Variants in ITPA observed in about 807,000 individuals in gnomAD.
ITPA encodes inosine triphosphate pyrophosphatase.
ITPA carries 29 observed loss-of-function variants against 29.6 expected under a neutral mutation model. The ratio of observed to expected loss-of-function variants is 0.98; its 90% CI spans 0.73 to 1.34. The LOEUF (loss-of-function observed/expected upper bound fraction) is 1.34, where lower values mean the gene tolerates loss of function less well. ITPA is among the 40% of genes most tolerant of loss of function. The probability of loss-of-function intolerance (pLI) is 0.00; values close to 1 mark genes in which losing one functional copy is unlikely to be tolerated. For missense variants in ITPA, 241 were observed against 251.5 expected (o/e 0.96, Z 0.28); for synonymous variants, 103 against 99.3 (o/e 1.04, Z -0.22).
chr20:3,204,645 A>T, upstream of ITPA: 1 of 1,566,878 alleles, frequency 6.4e-7, no homozygotes, highest in Non-Finnish European at 8.6e-7. Flanking sequence ...GCCTCAGTGC[A>T]GAACCACTGC....
At chr20:3,222,669 A>G (rs530611590) in intron 7 of ITPA, among the ~76,000 whole-genome samples, 2 of 152,288 alleles carry the variant, frequency 1.3e-5, no homozygotes, top group South Asian at 2.1e-4. Context: ...GGCACGGGCC[A>G]TTGTTGGAAT....
Position 3,209,860 on chromosome 20 carries a change from G to C in ITPA, c.66+243G>C, listed in dbSNP as rs1475048992. On this transcript the variant is annotated intron_variant, in intron 1 of 7. Coordinates refer to ENST00000380113, the MANE Select transcript of ITPA (RefSeq NM_033453.4). The surrounding 1 kb of genome is among the most constrained non-coding windows in gnomAD (Gnocchi z 4.6). Reference sequence around the variant, plus strand: ...CTCGACAGATCCCGACACAGGGCTTGTGTGGTCAGCGACTGCGGGACCCGG... The same window carrying C: ...CTCGACAGATCCCGACACAGGGCTTCTGTGGTCAGCGACTGCGGGACCCGG... Among the ~76,000 whole-genome samples, 1 of 152,200 alleles carries C rather than the reference G, an allele frequency of 6.6e-6. No homozygotes were observed. The highest frequency in any genetic ancestry group is 1.5e-5 in the Non-Finnish European group (1 of 68,034).
At chr20:3,219,525 AC>A (rs1224388742) in intron 6 of ITPA, among the ~76,000 whole-genome samples, 1 of 151,800 alleles carries the variant, frequency 6.6e-6, no homozygotes. Context: ...CGGGCGGATC[AC>A]CTGAGGTCAG....
upstream of ITPA, among the ~76,000 whole-genome samples, chr20:3,207,951 T>C (rs2067091999): frequency 7.1e-6 from 1 of 141,250 alleles, no homozygotes; most frequent in African/African-American, 2.7e-5. Flanking sequence ...GCCAAGATCA[T>C]GCCATTGCAC....
intron 3 of ITPA, among the ~76,000 whole-genome samples, chr20:3,213,693 T>C (rs529437651): frequency 6.6e-6 from 1 of 152,186 alleles, no homozygotes; most frequent in East Asian, 1.9e-4. Flanking sequence ...CATTCACACA[T>C]GTTCGTGGAA....
intron 1 of ITPA, among the ~76,000 whole-genome samples, chr20:3,210,762 A>C (rs951528662): frequency 6.6e-6 from 1 of 152,132 alleles, no homozygotes; most frequent in African/African-American, 2.4e-5. Context: ...TTAAAGAAGG[A>C]GCTGGAACCC....
chr20:3,215,601 CTGGGAGT>C (rs1171339887), intron 5 of ITPA, among the ~76,000 whole-genome samples: 2 of 152,220 alleles, frequency 1.3e-5, no homozygotes, highest in Non-Finnish European at 2.9e-5. Flanking sequence ...AGGGCCTGCC[CTGGGAGT>C]TGGAGGACTG....
At chr20:3,204,604 C>T (rs1382911237), upstream of ITPA, 1 of 1,590,314 alleles carries the variant, frequency 6.3e-7, no homozygotes, top group South Asian at 1.1e-5. Flanking sequence ...CCGCCGCTAC[C>T]AAGTACCACA....
Position 3,214,016 on chromosome 20 carries a change from G to A in ITPA, c.221G>A (p.Cys74Tyr). Residue 74 changes from cysteine to tyrosine, a missense_variant, in exon 4 of 8, where the codon TGT becomes TAT. Coordinates refer to ENST00000380113, the MANE Select transcript of ITPA (RefSeq NM_033453.4). ...GGGCCCGTGCTGGTTGAGGACACTT[G>A]TCTGTGCTTCAATGCCCTTGGAGGG... ...VQGPVLVEDT[C>Y]LCFNALGGLP... 1.2e-6 allele frequency: 2 copies of A among 1,614,202 alleles called. No individual in the cohort carries two copies. The highest frequency in any genetic ancestry group is 1.7e-6 in the Non-Finnish European group (2 of 1,180,046).
At chr20:3,207,778 C>T (rs931789794), upstream of ITPA, among the ~76,000 whole-genome samples, 7 of 151,042 alleles carry the variant, frequency 4.6e-5, no homozygotes, top group Non-Finnish European at 1.0e-4. Context: ...GGGCATATCA[C>T]GACGTCAGGA....
At chr20:3,215,165 C>A in intron 4 of ITPA, 116 bp from the exon 5 acceptor site, 1 of 1,053,370 alleles carries the variant, frequency 9.5e-7, no homozygotes, top group Non-Finnish European at 1.5e-6. Flanking sequence ...CCTCGCCTGG[C>A]TCTTGGAGGC....
chr20:3,213,958 T>C (rs1328327161), intron 3 of ITPA, 27 bp from the exon 4 acceptor site: 2 of 1,613,428 alleles, frequency 1.2e-6, no homozygotes, highest in South Asian at 2.2e-5. Context: ...ATCATGGGTC[T>C]CAGGGCTGTA....
intron 6 of ITPA, among the ~76,000 whole-genome samples, chr20:3,220,695 T>C (rs8115328): frequency 0.054 from 8,105 of 149,866 alleles, 706 homozygotes; most frequent in African/African-American, 0.19. Flanking sequence ...ACCTCAGGTG[T>C]GAGCTACCAC....
intron 1 of ITPA, among the ~76,000 whole-genome samples, chr20:3,211,358 AT>A (rs1258679361): frequency 6.0e-5 from 9 of 150,924 alleles, no homozygotes; most frequent in African/African-American, 2.2e-4. Flanking sequence ...TAGAAACGGG[AT>A]TTCGTCATGT....
downstream of ITPA, among the ~76,000 whole-genome samples, chr20:3,227,241 G>A (rs1239538241): frequency 6.6e-6 from 1 of 151,320 alleles, no homozygotes; most frequent in African/African-American, 2.5e-5. Context: ...CCATGCGAAG[G>A]CCTCCTGGAT....
At chr20:3,212,387 C>G (rs562843260) in intron 1 of ITPA, among the ~76,000 whole-genome samples, 2 of 151,066 alleles carry the variant, frequency 1.3e-5, no homozygotes, top group South Asian at 4.2e-4. Flanking sequence ...ATGGTGCAAT[C>G]TTGGCTCACT....
intron 7 of ITPA, among the ~76,000 whole-genome samples, chr20:3,222,961 G>T (rs562840829): frequency 6.6e-6 from 1 of 152,302 alleles, no homozygotes; most frequent in Admixed American, 6.5e-5. Context: ...CATGGAGGTC[G>T]GGCCCCTGGC....
chr20:3,221,993 C>A, intron 7 of ITPA, 76 bp downstream of exon 7: 2 of 1,363,298 alleles, frequency 1.5e-6, no homozygotes, highest in Non-Finnish European at 2.1e-6. Flanking sequence ...GTGCCCCGCC[C>A]AAGTGCAGGC....
At chr20:3,208,444 C>A (rs1342635451), upstream of ITPA, among the ~76,000 whole-genome samples, 1 of 152,192 alleles carries the variant, frequency 6.6e-6, no homozygotes, top group Non-Finnish European at 1.5e-5. Context: ...GGCACGATCT[C>A]CGCTCACTGC....
Sources: allele counts gnomAD v4.1 joint callset (sites outside exome capture counted in the v4.1 genomes callset), GRCh38; gene constraint gnomAD v4.1.1; non-coding constraint Gnocchi (gnomAD v3.1); transcripts MANE v1.5; gene names NCBI Gene and HGNC (gene_info 2026-07-23, HGNC 2026-07-21).